Variants in ULK4 observed in about 807,000 individuals in gnomAD.
ULK4 encodes the protein inactive serine/threonine-protein kinase ULK4.
ULK4 carries 133 observed loss-of-function variants against 160.6 expected under a neutral mutation model. The ratio of observed to expected loss-of-function variants is 0.83; its 90% confidence interval spans 0.72 to 0.96. ULK4 has a LOEUF of 0.96. ULK4 is among the 40% of genes least tolerant of loss of function. The pLI, the probability that ULK4 is intolerant of heterozygous loss-of-function variation, is 0.00. For missense variants in ULK4, 1,580 were observed against 1,499.5 expected (o/e 1.05, Z -0.89); for synonymous variants, 534 against 539.8 (o/e 0.99, Z 0.15).
intron 17 of ULK4, among the ~76,000 whole-genome samples, chr3:41,877,017 C>G (rs565428357): frequency 3.3e-5 from 5 of 152,164 alleles, no homozygotes; most frequent in Admixed American, 3.3e-4. Flanking sequence ...ATTTCCAACA[C>G]TTCAATAAAA....
intron 35 of ULK4, among the ~76,000 whole-genome samples, chr3:41,376,319 C>T (rs1386020744): frequency 6.7e-6 from 1 of 150,272 alleles, no homozygotes; most frequent in Non-Finnish European, 1.5e-5. Flanking sequence ...AAGACACATA[C>T]ACACATATGT....
At chr3:41,367,973 G>A (rs760538132) in intron 35 of ULK4, among the ~76,000 whole-genome samples, 1 of 151,910 alleles carries the variant, frequency 6.6e-6, no homozygotes, top group Non-Finnish European at 1.5e-5. Context: ...TATGTTTAAG[G>A]AAGACATTAC....
intron 23 of ULK4, among the ~76,000 whole-genome samples, chr3:41,716,552 C>A (rs1324061347): frequency 6.6e-6 from 1 of 152,098 alleles, no homozygotes; most frequent in Non-Finnish European, 1.5e-5. Context: ...CAAAAATAAT[C>A]TCCTAAAGCA....
intron 33 of ULK4, among the ~76,000 whole-genome samples, chr3:41,459,860 C>T (rs150275196): frequency 2.0e-5 from 3 of 152,204 alleles, no homozygotes; most frequent in Non-Finnish European, 4.4e-5. Flanking sequence ...TACCCTGGGG[C>T]TCGACTGTAT....
At chr3:41,844,793 A>G (rs867312591) in intron 17 of ULK4, among the ~76,000 whole-genome samples, 2 of 95,804 alleles carry the variant, frequency 2.1e-5, no homozygotes, top group African/African-American at 8.6e-5. Context: ...GTTTTTCTAA[A>G]AAAAAAAAAA....
Position 41,864,575 on chromosome 3 carries a change from G to A in ULK4, c.1656+19299C>T, listed in dbSNP as rs528208571. On this transcript the variant is annotated intron_variant, in intron 17 of 36. Transcript: ENST00000301831. The stretch of plus-strand genomic sequence containing the variant: ...TCTACCTCATTATTCTCTTTCTCAC[G>A]GTGACCTTGCTGTACCCCAGAGTCA... Among the ~76,000 whole-genome samples the A allele has an allele frequency of 3.0e-4, 46 of 151,896 alleles. No homozygotes were observed. The South Asian group carries it at 9.0e-3, about 30-fold the overall frequency.
chr3:41,556,644 T>C (rs796544728), intron 32 of ULK4, among the ~76,000 whole-genome samples: 1 of 151,950 alleles, frequency 6.6e-6, no homozygotes, highest in South Asian at 2.1e-4. Flanking sequence ...CGTGCCACCA[T>C]GCCTGGCTAA....
intron 32 of ULK4, among the ~76,000 whole-genome samples, chr3:41,488,795 T>A: frequency 6.6e-6 from 1 of 152,308 alleles, no homozygotes; most frequent in Non-Finnish European, 1.5e-5. Flanking sequence ...CTGAGAAAAG[T>A]ACCACTTGGC....
In ULK4 at chr3:41,246,899, A is replaced by G; in HGVS notation, c.*30T>C. On this transcript the variant is annotated 3_prime_UTR_variant, in exon 37 of 37. Transcript: ENST00000301831. ...TTATGCATCCGAGGGCTGGGGCCAC[A>G]GGGCGGGCTTGTGCTAAGCACCTTC... 6.2e-7 allele frequency: 1 copy of G among 1,610,038 alleles called. No individual in the cohort carries two copies. Among genetic ancestry groups the G allele is most frequent in the Non-Finnish European group, 8.5e-7 (1 of 1,178,124 alleles).
intron 35 of ULK4, among the ~76,000 whole-genome samples, chr3:41,341,449 T>C (rs1022827607): frequency 3.3e-5 from 5 of 152,212 alleles, no homozygotes; most frequent in Admixed American, 3.3e-4. Flanking sequence ...GTGGATACAA[T>C]GGCAGCAGAG....
intron 17 of ULK4, among the ~76,000 whole-genome samples, chr3:41,852,645 GAAAGAACAAC>G (rs2042245252): frequency 6.6e-6 from 1 of 152,098 alleles, no homozygotes; most frequent in African/African-American, 2.4e-5. Context: ...GAGAGATAGA[GAAAGAACAAC>G]AGAGAACAAA....
chr3:41,828,116 C>A (rs1467712296), intron 18 of ULK4, among the ~76,000 whole-genome samples: 1 of 128,878 alleles, frequency 7.8e-6, no homozygotes, highest in East Asian at 2.0e-4. Context: ...ATGCTAAAAA[C>A]TCTCAAAAAT....
chr3:41,355,424 C>T (rs1163095824), intron 35 of ULK4, among the ~76,000 whole-genome samples: 1 of 152,164 alleles, frequency 6.6e-6, no homozygotes, highest in Non-Finnish European at 1.5e-5. Flanking sequence ...ATCGTGAAGA[C>T]TCAGTGATCT....
chr3:41,793,942 G>C (rs115894104), intron 20 of ULK4, among the ~76,000 whole-genome samples: 6,506 of 152,246 alleles, frequency 0.043, 432 homozygotes, highest in African/African-American at 0.15. Context: ...AGAGCTGCAA[G>C]GACTAGGGCA....
intron 20 of ULK4, among the ~76,000 whole-genome samples, chr3:41,793,146 C>A (rs531982877): frequency 6.6e-6 from 1 of 151,360 alleles, no homozygotes; most frequent in African/African-American, 2.4e-5. Flanking sequence ...GCATTCCAGC[C>A]TGGGCAACAA....
At chr3:41,295,123 G>C (rs2079643382) in intron 35 of ULK4, among the ~76,000 whole-genome samples, 1 of 152,218 alleles carries the variant, frequency 6.6e-6, no homozygotes, top group Non-Finnish European at 1.5e-5. Flanking sequence ...GAATAGAATA[G>C]AGAGCCCAGA....
chr3:41,741,126 T>A (rs1456285152), intron 22 of ULK4, among the ~76,000 whole-genome samples: 1 of 151,956 alleles, frequency 6.6e-6, no homozygotes. Flanking sequence ...TCCTTTAGTT[T>A]GTTTTTCTTC....
At chr3:41,894,520 T>C (rs1490275953) in intron 16 of ULK4, among the ~76,000 whole-genome samples, 10 of 152,154 alleles carry the variant, frequency 6.6e-5, no homozygotes, top group Non-Finnish European at 1.0e-4. Flanking sequence ...CTAACAATCA[T>C]GAGATAAGCA....
chr3:41,727,139 C>G (rs191015056), intron 22 of ULK4, among the ~76,000 whole-genome samples: 6 of 152,268 alleles, frequency 3.9e-5, no homozygotes, highest in Admixed American at 3.9e-4. Flanking sequence ...TAACTCTGAT[C>G]GGCCTTCTAT....
Sources: gnomAD v4.1 joint callset for allele counts (sites outside exome capture counted in the v4.1 genomes callset) on GRCh38, gnomAD v4.1.1 for gene constraint, MANE v1.5 for transcripts, NCBI Gene and HGNC (gene_info 2026-07-23, HGNC 2026-07-21) for gene names.